SHOX: variants seen among roughly 807,000 people sequenced by gnomAD.
SHOX encodes SHOX homeobox.
SHOX carries 12 observed loss-of-function variants against 29.6 expected under a neutral mutation model. The ratio of observed to expected loss-of-function variants is 0.41; its 90% CI spans 0.26 to 0.66. The LOEUF (loss-of-function observed/expected upper bound fraction) is 0.66, where lower values mean the gene tolerates loss of function less well. SHOX is among the 30% of genes least tolerant of loss of function. SHOX has a pLI of 0.35. For synonymous variants in SHOX, 214 were observed against 200.6 expected (o/e 1.07, Z -0.57); for missense variants, 499 against 437.7 (o/e 1.14, Z -1.25).
chrX:658,376 T>C (rs1430833191), intron 5 of SHOX, among the ~76,000 whole-genome samples: 1 of 152,014 alleles, frequency 6.6e-6, no homozygotes, highest in African/African-American at 2.4e-5. Flanking sequence ...TGTAATTTTA[T>C]AAAAATAAGA....
rs1299056476 is a variant in SHOX at position 650,799 on chromosome X, A to AC, written c.*6163_*6164insC. ...GGTGGACACGTTTGACATTAAAAAA[A>AC]AAAAAAAAAAAAAAAAAAAACTGGT... On this transcript the variant is annotated 3_prime_UTR_variant, in exon 5 of 5. Coordinates refer to ENST00000686671, the MANE Select transcript of SHOX (RefSeq NM_000451.4). Among the ~76,000 whole-genome samples, 12 of 142,446 alleles carry AC rather than the reference A, an allele frequency of 8.4e-5. 1 individual carries two copies. In the South Asian group the frequency reaches 1.3e-3, roughly 15 times the overall value. 93.5% of individuals were successfully genotyped at this position (142,446 alleles called of 152,430 possible).
upstream of SHOX, among the ~76,000 whole-genome samples, chrX:628,607 A>C (rs1310722327): frequency 4.2e-3 from 75 of 17,760 alleles, no homozygotes; most frequent in African/African-American, 4.6e-3. Flanking sequence ...CTCTCTCTCC[A>C]TCTCTCTCTG....
intron 1 of SHOX, among the ~76,000 whole-genome samples, chrX:624,836 T>C (rs1015877960): frequency 3.3e-4 from 48 of 147,650 alleles, no homozygotes; most frequent in East Asian, 2.0e-4. Context: ...CTTTCCTTCC[T>C]TCCTTCCTCT....
chrX:634,082 G>C (rs2052695272), intron 1 of SHOX, among the ~76,000 whole-genome samples: 2 of 148,122 alleles, frequency 1.4e-5, no homozygotes, highest in Non-Finnish European at 3.0e-5. Flanking sequence ...CTCAGACGCG[G>C]TTCTGCTGTT....
intron 2 of SHOX, among the ~76,000 whole-genome samples, chrX:638,771 T>A (rs964257): frequency 6.6e-6 from 1 of 152,206 alleles, no homozygotes; most frequent in African/African-American, 2.4e-5. Context: ...ATGCACAGTG[T>A]GTAAGGGTGG....
In SHOX at chrX:651,196, A is replaced by G. The variant is rs2053055647; in HGVS notation, c.*6560A>G. The G allele has an allele frequency of 2.4e-6, 1 of 416,964 alleles. No individual in the cohort carries two copies. Among genetic ancestry groups the G allele is most frequent in the Middle Eastern group, 3.4e-4 (1 of 2,906 alleles). 25.8% of individuals were successfully genotyped at this position (416,964 alleles called of 1,614,324 possible). On this transcript the variant is annotated 3_prime_UTR_variant, in exon 5 of 5. Transcript: ENST00000686671. ...GACATCGCGTTGCATTTATTTTTAT[A>G]TTTCTGAAAACTGTTGCTTTTTCTT...
In SHOX at chrX:631,187, G is replaced by C. The variant is rs770007850; in HGVS notation, c.277+13G>C. ...AGAGTGGCAGAAGGTAAGTTCCTTT[G>C]CGCTCCGGCTCCAGGGGGGCCCTCC... On this transcript the variant is annotated intron_variant, in intron 1 of 4. Coordinates refer to ENST00000686671, the MANE Select transcript of SHOX (RefSeq NM_000451.4). 10 of 1,612,324 alleles carry C rather than the reference G, an allele frequency of 6.2e-6. 1 individual carries two copies. The South Asian group carries it at 1.1e-4, about 18-fold the overall frequency.
At chrX:630,722 A>T, upstream of SHOX, 1 of 766,510 alleles carries the variant, frequency 1.3e-6, no homozygotes, top group Non-Finnish European at 2.2e-6. Flanking sequence ...TAATTGCACC[A>T]GACAGGCAGC....
At position 634,696 on chromosome X, in the gene SHOX, G is replaced by A. The variant is rs1169361224; in HGVS notation, c.356G>A (p.Arg119His). The A allele has an allele frequency of 1.2e-6, 2 of 1,613,838 alleles. No homozygotes were observed. Among genetic ancestry groups the A allele is most frequent in the Non-Finnish European group, 1.7e-6 (2 of 1,179,836 alleles). The change falls in exon 2 of 5, where the codon CGC becomes CAC. Residue 119 changes from arginine to histidine, a missense_variant. By Grantham distance (29) the Arg-to-His change is conservative (BLOSUM62 0). Coordinates refer to ENST00000686671, the MANE Select transcript of SHOX (RefSeq NM_000451.4). Reference sequence around the variant, plus strand: ...GGGCAGACCAAGCTGAAACAGAGGCGCAGCCGCACCAACTTCACGCTGGAG... The same window carrying A: ...GGGCAGACCAAGCTGAAACAGAGGCACAGCCGCACCAACTTCACGCTGGAG... ...EDGQTKLKQR[R>H]SRTNFTLEQL...
In SHOX at chrX:644,600, C is replaced by T. The variant is rs2052929821; in HGVS notation, c.843C>T (p.Leu281=). 1 of 1,511,228 alleles carries T rather than the reference C, an allele frequency of 6.6e-7. No individual in the cohort carries two copies. The allele number at this position is 1,511,228 out of a possible 1,614,324, so 93.6% of individuals were successfully genotyped here. ...SKNSSIADLR[L]KARKHAEALG... is the part of the protein sequence containing the mutation. Reference sequence around the variant, plus strand: ...ATTCCAGCATCGCCGACCTGCGGCTCAAGGCGCGGAAGCACGCGGAGGCCC... The same window carrying T: ...ATTCCAGCATCGCCGACCTGCGGCTTAAGGCGCGGAAGCACGCGGAGGCCC... The change falls in exon 5 of 5, where the codon CTC becomes CTT. Residue 281 remains leucine, a synonymous_variant. Coordinates refer to ENST00000686671, the MANE Select transcript of SHOX (RefSeq NM_000451.4).
rs2053053897 is a variant in SHOX at position 651,115 on chromosome X, T to C, written c.*6479T>C. ...TGTGCATTTGTTATTTATTTTTTTT[T>C]CCTTGGTCGGACGTTCATAAATATG... On this transcript the variant is annotated 3_prime_UTR_variant, in exon 5 of 5. Transcript: ENST00000686671. 1 of 348,730 alleles carries C rather than the reference T, an allele frequency of 2.9e-6. No homozygotes were observed. The highest frequency in any genetic ancestry group is 2.3e-5 in the South Asian group (1 of 43,432). The allele number at this position is 348,730 out of a possible 1,614,324, so 21.6% of individuals were successfully genotyped here. A position where few individuals can be genotyped will look rare whatever the true frequency, so the allele number is the denominator to read the frequency against.
In SHOX at chrX:644,750, G is replaced by T; in HGVS notation, c.*114G>T. On this transcript the variant is annotated 3_prime_UTR_variant, in exon 5 of 5. Transcript: ENST00000686671. Reference sequence around the variant, plus strand: ...CTCCTTCCGCGGCCACCGTGCTCCGGGCACCCCGGGAGCTCCTGCAAGAGG... The same window carrying T: ...CTCCTTCCGCGGCCACCGTGCTCCGTGCACCCCGGGAGCTCCTGCAAGAGG... 3 of 1,311,050 alleles carry T rather than the reference G, an allele frequency of 2.3e-6. No homozygotes were observed. Among genetic ancestry groups the T allele is most frequent in the Non-Finnish European group, 2.9e-6 (3 of 1,026,932 alleles). 81.2% of individuals were successfully genotyped at this position (1,311,050 alleles called of 1,614,324 possible). A position where few individuals can be genotyped will look rare whatever the true frequency, so the allele number is the denominator to read the frequency against.
At chrX:642,881 GGGAGAGGCTTGGGGACCTGGTGTCCCT>G (rs1569494923) in intron 4 of SHOX, among the ~76,000 whole-genome samples, 2 of 151,116 alleles carry the variant, frequency 1.3e-5, no homozygotes, top group African/African-American at 2.4e-5. Context: ...CTGTTGTCCT[GGGAGAGGCTTGGGGACCTGGTGTCCCT>G]GGAGAGGCTT....
In SHOX at chrX:631,093, T is replaced by G. The variant is rs1443010174; in HGVS notation, c.196T>G (p.Cys66Gly). 6.2e-7 allele frequency: 1 copy of G among 1,613,734 alleles called. No homozygotes were observed. Among genetic ancestry groups the G allele is most frequent in the South Asian group, 1.1e-5 (1 of 91,076 alleles). The change falls in exon 1 of 5, where the codon TGC becomes GGC. Residue 66 changes from cysteine to glycine, a missense_variant. Coordinates refer to ENST00000686671, the MANE Select transcript of SHOX (RefSeq NM_000451.4). The part of the protein sequence containing the change: ...LQDITEGGGH[C>G]PVHLFKDHVD... The stretch of plus-strand genomic sequence containing the variant: ...GGACATCACGGAGGGCGGCGGCCAC[T>G]GCCCGGTGCATTTGTTCAAGGACCA...
At chrX:626,793 ATCTCTATCTCTGTC>A (rs1349548527), upstream of SHOX, among the ~76,000 whole-genome samples, 1 of 59,962 alleles carries the variant, frequency 1.7e-5, no homozygotes, top group Non-Finnish European at 3.4e-5. Context: ...CTGTCTCTGT[ATCTCTATCTCTGTC>A]TCTCTTTCTC....
At position 640,887 on chromosome X, in the gene SHOX, C is replaced by T. The variant is rs375797449; in HGVS notation, c.544+9C>T. 26 of 1,613,810 alleles carry T rather than the reference C, an allele frequency of 1.6e-5. No homozygotes were observed. Among genetic ancestry groups the T allele is most frequent in the East Asian group, 2.2e-5 (1 of 44,862 alleles). The stretch of plus-strand genomic sequence containing the variant: ...GAATCAGATGCATAAAGGTGGGTGT[C>T]GGGACTGGGGGGACCTGAAGCTGGG... On this transcript the variant is annotated intron_variant, in intron 3 of 4. Transcript: ENST00000686671.
At chrX:625,504 G>T (rs75214470) in intron 1 of SHOX, among the ~76,000 whole-genome samples, 32,581 of 150,664 alleles carry the variant, frequency 0.22, 3,738 homozygotes, top group East Asian at 0.36. Flanking sequence ...CCTGTCTGTC[G>T]CTATTTTTCT....
intron 2 of SHOX, 46 bp downstream of exon 2, chrX:634,872 G>C (rs1276837804): frequency 1.5e-5 from 23 of 1,534,522 alleles, no homozygotes; most frequent in Admixed American, 3.9e-5. Flanking sequence ...CCATCGCCTG[G>C]TCCTCGGGAG....
chrX:634,170 A>T (rs1045467731), intron 1 of SHOX, among the ~76,000 whole-genome samples: 2 of 152,194 alleles, frequency 1.3e-5, no homozygotes, highest in Non-Finnish European at 2.9e-5. Flanking sequence ...CCTGCGCTGC[A>T]GCGGTGGGGA....
Sources: allele counts gnomAD v4.1 joint callset (sites outside exome capture counted in the v4.1 genomes callset), GRCh38; gene constraint gnomAD v4.1.1; transcripts MANE v1.5; gene names NCBI Gene and HGNC (gene_info 2026-07-23, HGNC 2026-07-21).